NTM: variants seen among roughly 807,000 people sequenced by gnomAD.
NTM encodes the protein IgLON family member 2.
Under a neutral mutation model 42.1 loss-of-function variants are expected in NTM, and 13 were observed. The observed-to-expected ratio is 0.31, with a 90% CI of 0.20 to 0.49. The LOEUF (loss-of-function observed/expected upper bound fraction) is 0.49. Ranked by LOEUF, NTM falls within the 20% of genes least tolerant of loss-of-function variation. NTM has a pLI of 0.99. For missense variants in NTM, 373 were observed against 452.8 expected (o/e 0.82, Z 1.60); for synonymous variants, 187 against 179.2 (o/e 1.04, Z -0.35).
rs1434551597 is a variant in NTM at position 132,127,332 on chromosome 11, C to T, written c.168-18950C>T. ...GAGTCAGAATGTGTTTCCAAATAGA[C>T]CTATTACATAAGTGGCAATAAATAC... On this transcript the variant is annotated intron_variant, in intron 2 of 8. Transcript: ENST00000683400. 2.0e-5 allele frequency among the ~76,000 whole-genome samples: 3 copies of T among 152,208 alleles called. No homozygotes were observed. The East Asian group carries it at 5.8e-4, about 29-fold the overall frequency.
intron 2 of NTM, among the ~76,000 whole-genome samples, chr11:132,064,206 T>G (rs2081104354): frequency 6.6e-6 from 1 of 152,210 alleles, no homozygotes; most frequent in African/African-American, 2.4e-5. Flanking sequence ...ATAAAAATTC[T>G]TTCTTTCTCT....
intron 3 of NTM, among the ~76,000 whole-genome samples, chr11:132,169,839 C>G (rs1402059191): frequency 1.3e-5 from 2 of 152,204 alleles, no homozygotes; most frequent in Admixed American, 6.5e-5. Flanking sequence ...ATCTCCCTGT[C>G]TGACTTCTGT....
intron 1 of NTM, among the ~76,000 whole-genome samples, chr11:131,625,828 C>G (rs1411927677): frequency 6.6e-6 from 1 of 152,164 alleles, no homozygotes; most frequent in Admixed American, 6.5e-5. Flanking sequence ...TTCTTCTCCT[C>G]TGTGGCTGGC....
At chr11:131,440,210 T>C (rs113486443) in intron 1 of NTM, among the ~76,000 whole-genome samples, 2,777 of 152,248 alleles carry the variant, frequency 0.018, 73 homozygotes, top group African/African-American at 0.061. Context: ...CTATAACTTC[T>C]TTTAATTTCT....
chr11:131,804,241 A>T (rs1177982144), intron 1 of NTM, among the ~76,000 whole-genome samples: 1 of 152,190 alleles, frequency 6.6e-6, no homozygotes, highest in African/African-American at 2.4e-5. Flanking sequence ...CCCAAAGTAC[A>T]ACTCTGACCC....
chr11:131,409,333 G>A (rs1021279248), intron 1 of NTM, among the ~76,000 whole-genome samples: 2 of 152,216 alleles, frequency 1.3e-5, no homozygotes, highest in Non-Finnish European at 2.9e-5. Context: ...GCCCCTGAGA[G>A]CCCCCATCTG....
chr11:131,601,398 T>C (rs964440083), intron 1 of NTM, among the ~76,000 whole-genome samples: 1 of 152,186 alleles, frequency 6.6e-6, no homozygotes, highest in African/African-American at 2.4e-5. Context: ...ACAAAACCTC[T>C]TTGGGTTTTA....
At chr11:131,406,230 T>C (rs1316320938) in intron 1 of NTM, among the ~76,000 whole-genome samples, 3 of 152,344 alleles carry the variant, frequency 2.0e-5, no homozygotes, top group Non-Finnish European at 4.4e-5. Flanking sequence ...AGAAAATTTC[T>C]TTATTATTAC....
chr11:132,172,779 G>T (rs2076286999), intron 3 of NTM, among the ~76,000 whole-genome samples: 1 of 152,132 alleles, frequency 6.6e-6, no homozygotes. Context: ...TTTTGATGCT[G>T]TCAGAAACTC....
chr11:132,051,230 A>G (rs900134862), intron 2 of NTM, among the ~76,000 whole-genome samples: 3 of 152,148 alleles, frequency 2.0e-5, no homozygotes, highest in Admixed American at 6.5e-5. Flanking sequence ...TATGCCAGAC[A>G]CCGTTCTGAC....
At chr11:131,737,367 A>G (rs1397919515) in intron 1 of NTM, among the ~76,000 whole-genome samples, 2 of 152,200 alleles carry the variant, frequency 1.3e-5, no homozygotes, top group African/African-American at 2.4e-5. Flanking sequence ...CTGGACCACA[A>G]GCAGCAGAGA....
In NTM at chr11:131,975,143, T is replaced by G. The variant is rs569709293; in HGVS notation, c.167+63495T>G. Among the ~76,000 whole-genome samples, 11 of 152,240 alleles carry G rather than the reference T, an allele frequency of 7.2e-5. No homozygotes were observed. In the East Asian group the frequency reaches 2.1e-3, roughly 29 times the overall value. ...TCCTTGTTTTTCTTTCTTCTTATTT[T>G]TTGCCTTTTCAGGTAACAAGTGGGA... On this transcript the variant is annotated intron_variant, in intron 2 of 8. Coordinates refer to ENST00000683400, the MANE Select transcript of NTM (RefSeq NM_001352005.2).
At chr11:132,172,536 A>G (rs2076253629) in intron 3 of NTM, among the ~76,000 whole-genome samples, 3 of 152,094 alleles carry the variant, frequency 2.0e-5, no homozygotes, top group African/African-American at 7.3e-5. Flanking sequence ...CCTGTGAAAG[A>G]AGGAGACTAT....
At chr11:131,775,278 G>A (rs577182082) in intron 1 of NTM, among the ~76,000 whole-genome samples, 8 of 152,304 alleles carry the variant, frequency 5.3e-5, no homozygotes, top group African/African-American at 1.7e-4. Flanking sequence ...AGTTTACTTG[G>A]TTTAGTTTAC....
intron 3 of NTM, among the ~76,000 whole-genome samples, chr11:132,156,874 G>A (rs1043347361): frequency 6.6e-6 from 1 of 152,178 alleles, no homozygotes; most frequent in Admixed American, 6.5e-5. Context: ...ACAAAAGGGA[G>A]GCAGAGGAAG....
intron 1 of NTM, among the ~76,000 whole-genome samples, chr11:131,579,526 A>T (rs2058214380): frequency 6.6e-6 from 1 of 152,182 alleles, no homozygotes; most frequent in Non-Finnish European, 1.5e-5. Context: ...GGACCCCATA[A>T]TATGTGAGCA....
intron 1 of NTM, among the ~76,000 whole-genome samples, chr11:131,556,344 C>G (rs2055408214): frequency 6.6e-6 from 1 of 152,278 alleles, no homozygotes; most frequent in African/African-American, 2.4e-5. Flanking sequence ...ACAATCTCCT[C>G]TATACAGATT....
chr11:132,034,402 C>T (rs1203147994), intron 2 of NTM, among the ~76,000 whole-genome samples: 1 of 152,194 alleles, frequency 6.6e-6, no homozygotes, highest in Non-Finnish European at 1.5e-5. Flanking sequence ...TGACAAACTT[C>T]AGGATGTATG....
chr11:131,731,004 G>C (rs1188255592), intron 1 of NTM, among the ~76,000 whole-genome samples: 2 of 152,140 alleles, frequency 1.3e-5, no homozygotes, highest in Non-Finnish European at 2.9e-5. Context: ...GAACTACGAG[G>C]CTGCTTTTTT....
Sources: allele counts gnomAD v4.1 joint callset (sites outside exome capture counted in the v4.1 genomes callset), GRCh38; gene constraint gnomAD v4.1.1; transcripts MANE v1.5; gene names NCBI Gene and HGNC (gene_info 2026-07-23, HGNC 2026-07-21).